Variants in ADAMTSL3 observed in about 807,000 individuals in gnomAD.
The protein encoded by ADAMTSL3 is ADAMTS-like protein 3.
Under a neutral mutation model 201.7 loss-of-function variants are expected in ADAMTSL3, and 128 were observed. That is an observed-to-expected ratio of 0.63 (90% CI 0.55 to 0.73). The LOEUF (loss-of-function observed/expected upper bound fraction) is 0.73. ADAMTSL3 is among the 30% of genes least tolerant of loss of function. ADAMTSL3 has a pLI of 0.00. For missense variants in ADAMTSL3, 1,990 were observed against 2,119.6 expected (o/e 0.94, Z 1.20); for synonymous variants, 738 against 748.4 (o/e 0.99, Z 0.23).
chr15:83,796,070 T>G (rs1389095195), intron 4 of ADAMTSL3, among the ~76,000 whole-genome samples: 12 of 152,190 alleles, frequency 7.9e-5, no homozygotes, highest in Admixed American at 7.9e-4. Flanking sequence ...GGAATAAAGG[T>G]ATACTCTCAA....
chr15:83,902,460 C>T (rs1044518416), intron 15 of ADAMTSL3, among the ~76,000 whole-genome samples: 1 of 152,102 alleles, frequency 6.6e-6, no homozygotes, highest in Admixed American at 6.5e-5. Context: ...TTAATACAGA[C>T]AGGGTTTCAC....
intron 17 of ADAMTSL3, among the ~76,000 whole-genome samples, chr15:83,925,094 TATG>T: frequency 6.6e-6 from 1 of 152,306 alleles, no homozygotes; most frequent in South Asian, 2.1e-4. Context: ...ATCTGTTGGC[TATG>T]ATGTTTCTCC....
At chr15:83,696,233 C>A (rs2061687016) in intron 2 of ADAMTSL3, among the ~76,000 whole-genome samples, 1 of 152,166 alleles carries the variant, frequency 6.6e-6, no homozygotes, top group African/African-American at 2.4e-5. Context: ...GTCTTCCTGG[C>A]CGATCTTGGT....
At position 83,991,176 on chromosome 15, in the gene ADAMTSL3, C is replaced by A. The variant is rs2067575573; in HGVS notation, c.3935C>A (p.Ala1312Asp). The change falls in exon 23 of 30, where the codon GCC becomes GAC. Residue 1312 changes from alanine to aspartate, a missense_variant. Physicochemically the swap from Ala to Asp is moderately radical, Grantham distance 126. Coordinates refer to ENST00000286744, the MANE Select transcript of ADAMTSL3 (RefSeq NM_207517.3). ...SVVVGGIVEA[A>D]LGANVTIRCP... ...GTGGTTGGAGGCATCGTGGAGGCAG[C>A]CCTTGGAGCAAACGTGACAATCCGA... is the stretch of plus-strand genomic sequence containing the variant. The A allele has an allele frequency of 6.2e-7, 1 of 1,614,034 alleles. No homozygotes were observed. The highest frequency in any genetic ancestry group is 1.3e-5 in the African/African-American group (1 of 74,910).
intron 2 of ADAMTSL3, among the ~76,000 whole-genome samples, chr15:83,670,472 AATGCATTTTATATT>A (rs2061316880): frequency 6.6e-6 from 1 of 151,608 alleles, no homozygotes; most frequent in Non-Finnish European, 1.5e-5. Flanking sequence ...CACAGGAAGA[AATGCATTTTATATT>A]ATGACCACAC....
Position 83,982,962 on chromosome 15 carries a change from G to T in ADAMTSL3, c.3334G>T (p.Val1112Phe). Reference protein sequence around the residue: ...NMSQLMETGEVSDDLASQLIY... With the variant: ...NMSQLMETGEFSDDLASQLIY... ...GAGTCAGCTCATGGAAACCGGAGAGGTCAGCGATGATCTTGCGTCCCAGCT... is the reference window on the plus strand; with the variant it reads ...GAGTCAGCTCATGGAAACCGGAGAGTTCAGCGATGATCTTGCGTCCCAGCT... Residue 1112 changes from valine to phenylalanine, a missense_variant, in exon 21 of 30, where the codon GTC becomes TTC. Coordinates refer to ENST00000286744, the MANE Select transcript of ADAMTSL3 (RefSeq NM_207517.3). 1 of 1,614,128 alleles carries T rather than the reference G, an allele frequency of 6.2e-7. No homozygotes were observed. Among genetic ancestry groups the T allele is most frequent in the Non-Finnish European group, 8.5e-7 (1 of 1,180,010 alleles).
intron 4 of ADAMTSL3, among the ~76,000 whole-genome samples, chr15:83,788,885 C>T (rs2063303526): frequency 1.3e-5 from 2 of 152,206 alleles, no homozygotes; most frequent in Admixed American, 1.3e-4. Context: ...TCTTGGCTCA[C>T]TGCAGCCTCC....
At chr15:83,751,935 C>T (rs8030607) in intron 3 of ADAMTSL3, among the ~76,000 whole-genome samples, 2,275 of 152,130 alleles carry the variant, frequency 0.015, 48 homozygotes, top group African/African-American at 0.052. Context: ...TCAATAGTAG[C>T]GTGAGAAATG....
intron 4 of ADAMTSL3, among the ~76,000 whole-genome samples, chr15:83,791,655 G>A (rs2063346669): frequency 6.6e-6 from 1 of 152,018 alleles, no homozygotes; most frequent in Non-Finnish European, 1.5e-5. Flanking sequence ...TCAGGAGATC[G>A]AGACCATCCT....
chr15:83,927,613 TG>T (rs1203176164), intron 17 of ADAMTSL3, among the ~76,000 whole-genome samples: 2 of 152,222 alleles, frequency 1.3e-5, no homozygotes, highest in African/African-American at 4.8e-5. Context: ...AAATATATAA[TG>T]AATAAAGGCT....
intron 17 of ADAMTSL3, among the ~76,000 whole-genome samples, chr15:83,930,639 G>A (rs953480135): frequency 6.6e-6 from 1 of 152,140 alleles, no homozygotes; most frequent in Non-Finnish European, 1.5e-5. Context: ...CAGACAACAT[G>A]TCTTGGCCAC....
chr15:83,718,690 C>CAAA (rs35735223), intron 3 of ADAMTSL3, among the ~76,000 whole-genome samples: 7 of 87,212 alleles, frequency 8.0e-5, no homozygotes, highest in Admixed American at 2.0e-4. Context: ...GACTCCGTCT[C>CAAA]AAAAAAAAAA....
At chr15:84,008,663 T>C (rs995272973) in intron 23 of ADAMTSL3, among the ~76,000 whole-genome samples, 1 of 152,150 alleles carries the variant, frequency 6.6e-6, no homozygotes, top group African/African-American at 2.4e-5. Flanking sequence ...AAATATGACA[T>C]CTGTATGCTG....
At chr15:84,037,026 C>T in intron 29 of ADAMTSL3, 39 bp downstream of exon 29, 1 of 1,594,524 alleles carries the variant, frequency 6.3e-7, no homozygotes, top group African/African-American at 1.3e-5. Flanking sequence ...GCCCCAGAGG[C>T]CTTGATGGCA....
intron 17 of ADAMTSL3, among the ~76,000 whole-genome samples, chr15:83,932,169 C>G (rs2142008980): frequency 6.6e-6 from 1 of 152,250 alleles, no homozygotes; most frequent in East Asian, 1.9e-4. Context: ...CACCATAGAG[C>G]TAAACTTGCT....
rs567759426 is a variant in ADAMTSL3, at chr15:83,861,990, A to G, written c.802+3150A>G. On this transcript the variant is annotated intron_variant, in intron 8 of 29. Transcript: ENST00000286744. ...ACGAATGCACAAGCCTCAGTAGCCAATTCGATCAACTGGAAGAAAGGGTGT... is the reference window on the plus strand; with the variant it reads ...ACGAATGCACAAGCCTCAGTAGCCAGTTCGATCAACTGGAAGAAAGGGTGT... 3.9e-5 allele frequency: 6 copies of G among 152,372 alleles called. No homozygotes were observed. In the South Asian group the frequency reaches 1.2e-3, roughly 32 times the overall value. The allele number at this position is 152,372 out of a possible 1,614,324, so 9.4% of individuals were successfully genotyped here.
chr15:84,025,589 T>A, intron 27 of ADAMTSL3, 153 bp downstream of exon 27: 1 of 741,170 alleles, frequency 1.3e-6, no homozygotes, highest in Non-Finnish European at 2.1e-6. Context: ...CCTCAAGGTT[T>A]ACATTTAGAA....
intron 7 of ADAMTSL3, among the ~76,000 whole-genome samples, chr15:83,840,201 GA>G (rs2064347470): frequency 6.6e-6 from 1 of 152,126 alleles, no homozygotes; most frequent in Non-Finnish European, 1.5e-5. Flanking sequence ...GGTAAATGCA[GA>G]ACTTAGCAAG....
intron 2 of ADAMTSL3, among the ~76,000 whole-genome samples, chr15:83,688,572 TA>T (rs1343520700): frequency 1.3e-5 from 2 of 152,156 alleles, no homozygotes; most frequent in African/African-American, 4.8e-5. Context: ...TTTATTTGTA[TA>T]TTTTTAACCT....
Sources: gnomAD v4.1 joint callset for allele counts (sites outside exome capture counted in the v4.1 genomes callset) on GRCh38, gnomAD v4.1.1 for gene constraint, MANE v1.5 for transcripts, NCBI Gene and HGNC (gene_info 2026-07-23, HGNC 2026-07-21) for gene names.